SCTR: variants seen among roughly 807,000 people sequenced by gnomAD.
The protein encoded by SCTR is secretin receptor.
A neutral mutation model predicts 60.8 loss-of-function variants in SCTR; 56 were observed. The observed-to-expected ratio is 0.92, with a 90% confidence interval of 0.74 to 1.15. The LOEUF (loss-of-function observed/expected upper bound fraction) is 1.15, where lower values mean the gene tolerates loss of function less well. Ranked by LOEUF, SCTR falls within the 50% of genes most tolerant of loss-of-function variation. SCTR has a pLI of 0.00. For synonymous variants in SCTR, 202 were observed against 217.0 expected (o/e 0.93, Z 0.61); for missense variants, 562 against 550.4 (o/e 1.02, Z -0.21).
intron 7 of SCTR, among the ~76,000 whole-genome samples, chr2:119,459,656 A>G (rs900166874): frequency 1.3e-5 from 2 of 152,196 alleles, no homozygotes; most frequent in Non-Finnish European, 2.9e-5. Flanking sequence ...CTCAATTCTC[A>G]GCACCCAGCA....
At chr2:119,481,934 T>A (rs1677627361) in intron 2 of SCTR, among the ~76,000 whole-genome samples, 3 of 152,184 alleles carry the variant, frequency 2.0e-5, no homozygotes, top group Admixed American at 1.3e-4. Flanking sequence ...GGAGGAGCCC[T>A]GTGCGTCCCA....
chr2:119,484,723 A>G (rs1677790134), intron 2 of SCTR: 1 of 151,810 alleles, frequency 6.6e-6, no homozygotes, highest in Admixed American at 6.6e-5. Flanking sequence ...CCTCAGATTG[A>G]AGTCACAGAG....
chr2:119,440,258 C>G lies in SCTR; in HGVS notation c.1183-1G>C. On this transcript the variant is annotated splice_acceptor_variant, in intron 12 of 12. Transcript: ENST00000019103. LOFTEE classifies it high-confidence loss of function. Reference sequence around the variant, plus strand: ...ACTTCTTCTGAACCTCCAGCTGCACCTGCCCGGGAGACCAGCCATCAGCCC... The same window carrying G: ...ACTTCTTCTGAACCTCCAGCTGCACGTGCCCGGGAGACCAGCCATCAGCCC... 1 of 1,612,168 alleles carries G rather than the reference C, an allele frequency of 6.2e-7. No homozygotes were observed. Among genetic ancestry groups the G allele is most frequent in the South Asian group, 1.1e-5 (1 of 90,710 alleles).
Position 119,515,563 on chromosome 2 carries a change from A to G in SCTR, c.72+8592T>C, listed in dbSNP as rs933632019. On this transcript the variant is annotated intron_variant, in intron 1 of 12. Coordinates refer to ENST00000019103, the MANE Select transcript of SCTR (RefSeq NM_002980.3). ...AAAAAAGGCAGAGAAAGGTAAATTC[A>G]CTAACTTACTCTCTCTCTTTCTCTC... 9.8e-5 allele frequency among the ~76,000 whole-genome samples: 15 copies of G among 152,322 alleles called. No homozygotes were observed. In the South Asian group the frequency reaches 2.3e-3, roughly 23 times the overall value.
chr2:119,476,228 T>A (rs1047771892), intron 3 of SCTR, among the ~76,000 whole-genome samples: 9 of 151,882 alleles, frequency 5.9e-5, no homozygotes, highest in African/African-American at 1.7e-4. Context: ...CAGAAGTAGA[T>A]CTATGGGGAT....
intron 1 of SCTR, among the ~76,000 whole-genome samples, chr2:119,495,759 A>G (rs1678322111): frequency 6.6e-6 from 1 of 152,106 alleles, no homozygotes; most frequent in Admixed American, 6.5e-5. Context: ...ACTCCATGAC[A>G]CCAACTGACC....
At chr2:119,512,333 C>CT (rs1392788749) in intron 1 of SCTR, among the ~76,000 whole-genome samples, 19 of 78,150 alleles carry the variant, frequency 2.4e-4, no homozygotes, top group South Asian at 7.1e-4. Flanking sequence ...CCTTCCCCTT[C>CT]CCCTTCCCCT....
At position 119,518,931 on chromosome 2, in the gene SCTR, C is replaced by T. The variant is rs971730336; in HGVS notation, c.72+5224G>A. 5.3e-5 allele frequency among the ~76,000 whole-genome samples: 8 copies of T among 152,162 alleles called. No homozygotes were observed. The East Asian group carries it at 5.8e-4, about 11-fold the overall frequency. ...GACAGGGTGAGGTTGGGAAGTTCTG[C>T]GGGAACTCCAAAGGGTGACGATGCC... On this transcript the variant is annotated intron_variant, in intron 1 of 12. Coordinates refer to ENST00000019103, the MANE Select transcript of SCTR (RefSeq NM_002980.3).
At chr2:119,491,297 A>T (rs917094859) in intron 2 of SCTR, among the ~76,000 whole-genome samples, 6 of 152,062 alleles carry the variant, frequency 3.9e-5, no homozygotes, top group African/African-American at 1.4e-4. Context: ...CCCCCAAGGG[A>T]TGATGAGCCC....
intron 2 of SCTR, 31 bp downstream of exon 2, chr2:119,494,397 G>C: frequency 6.2e-7 from 1 of 1,609,782 alleles, no homozygotes; most frequent in South Asian, 1.1e-5. Context: ...CCACCCCCAA[G>C]AGAGGACATG....
chr2:119,446,764 A>G lies in SCTR; in HGVS notation c.1135T>C (p.Phe379Leu), dbSNP rs1320921668. The G allele has an allele frequency of 6.5e-7, 1 of 1,532,408 alleles. No homozygotes were observed. Among genetic ancestry groups the G allele is most frequent in the Admixed American group, 1.9e-5 (1 of 51,426 alleles). 94.9% of individuals were successfully genotyped at this position (1,532,408 alleles called of 1,614,324 possible). A position where few individuals can be genotyped will look rare whatever the true frequency, so the allele number is the denominator to read the frequency against. ...CCCCAGTCCTGGAAACTTACCTGGA[A>G]TGAGCCAAGGGCTAGTTCAAAAAAC... The part of the protein sequence containing the change: ...QLFFELALGS[F>L]QGLVVAVLYC... The change falls in exon 11 of 13, where the codon TTC becomes CTC. Residue 379 changes from phenylalanine (F) to leucine (L), a missense_variant. Physicochemically the swap from Phe to Leu is conservative, Grantham distance 22 (BLOSUM62 0). Transcript: ENST00000019103.
At chr2:119,472,946 C>A (rs1677087540) in intron 4 of SCTR, among the ~76,000 whole-genome samples, 1 of 152,184 alleles carries the variant, frequency 6.6e-6, no homozygotes, top group Non-Finnish European at 1.5e-5. Context: ...ATTTACTGAG[C>A]ACTTACTGTG....
chr2:119,493,448 G>A (rs1033833256), intron 2 of SCTR, among the ~76,000 whole-genome samples: 2 of 152,230 alleles, frequency 1.3e-5, no homozygotes, highest in South Asian at 2.1e-4. Context: ...ATGACAGAGA[G>A]CAAAGATGAG....
chr2:119,501,831 A>G (rs1260456891), intron 1 of SCTR, among the ~76,000 whole-genome samples: 1 of 152,198 alleles, frequency 6.6e-6, no homozygotes, highest in East Asian at 1.9e-4. Context: ...TACATAGAAA[A>G]TCCCAAGGAA....
chr2:119,478,402 G>A (rs1043458908), intron 3 of SCTR, among the ~76,000 whole-genome samples: 2 of 152,298 alleles, frequency 1.3e-5, no homozygotes, highest in African/African-American at 2.4e-5. Context: ...GGGCCTGACA[G>A]TGGAAGGAAG....
intron 2 of SCTR, among the ~76,000 whole-genome samples, chr2:119,491,615 G>A (rs534360884): frequency 6.6e-6 from 1 of 152,190 alleles, no homozygotes; most frequent in East Asian, 1.9e-4. Context: ...GGGTTCAAGC[G>A]ATCCTCCTGC....
chr2:119,467,081 A>G (rs984724082), intron 4 of SCTR, among the ~76,000 whole-genome samples: 2 of 152,198 alleles, frequency 1.3e-5, no homozygotes, highest in Non-Finnish European at 2.9e-5. Context: ...AATATTGGTC[A>G]GAAAATTAAA....
At chr2:119,447,905 A>G (rs1231468042) in intron 10 of SCTR, among the ~76,000 whole-genome samples, 2 of 152,184 alleles carry the variant, frequency 1.3e-5, no homozygotes, top group Admixed American at 1.3e-4. Flanking sequence ...TATGGGCTGA[A>G]TTATGTCCAC....
At chr2:119,460,800 T>C (rs1386239562) in intron 7 of SCTR, among the ~76,000 whole-genome samples, 2 of 152,216 alleles carry the variant, frequency 1.3e-5, no homozygotes, top group Non-Finnish European at 2.9e-5. Context: ...AGACAATGAA[T>C]CCCGAATTTC....
Sources: gnomAD v4.1 joint callset for allele counts (sites outside exome capture counted in the v4.1 genomes callset) on GRCh38, gnomAD v4.1.1 for gene constraint, MANE v1.5 for transcripts, NCBI Gene and HGNC (gene_info 2026-07-23, HGNC 2026-07-21) for gene names.